The following ARHGEF7 variants were observed in gnomAD, a reference collection of about 807,000 sequenced individuals.
ARHGEF7 encodes the protein PAK-interacting exchange factor beta.
In ARHGEF7, 33 loss-of-function variants were observed where a neutral mutation model predicts 109.8. The ratio of observed to expected loss-of-function variants is 0.30; its 90% CI spans 0.23 to 0.40. The LOEUF (loss-of-function observed/expected upper bound fraction) is 0.40. Among genes scored for constraint, ARHGEF7 ranks in the 10% least tolerant of loss-of-function variants. The probability of loss-of-function intolerance (pLI) is 1.00; values close to 1 mark genes in which losing one functional copy is unlikely to be tolerated. For synonymous variants in ARHGEF7, 458 were observed against 424.6 expected (o/e 1.08, Z -0.97); for missense variants, 938 against 1,098.5 (o/e 0.85, Z 2.07).
intron 2 of ARHGEF7, chr13:111,186,932 A>G: frequency 2.0e-6 from 2 of 985,628 alleles, no homozygotes; most frequent in Non-Finnish European, 2.4e-6. Context: ...GGGGTCTACT[A>G]CGTAGAGGTG....
Position 111,282,414 on chromosome 13 carries a change from T to C in ARHGEF7, c.1726-725T>C, listed in dbSNP as rs1455835417. Among the ~76,000 whole-genome samples, 5 of 152,274 alleles carry C rather than the reference T, an allele frequency of 3.3e-5. No homozygotes were observed. In the East Asian group the frequency reaches 9.6e-4, roughly 29 times the overall value. On this transcript the variant is annotated intron_variant, in intron 15 of 21. Coordinates refer to ENST00000646102, the MANE Select transcript of ARHGEF7 (RefSeq NM_001354046.2). ...TGGAATATTTTGGGTTTTCCAGGAA[T>C]ATAAAATGCATTAATGGCACACCGC...
At chr13:111,299,354 T>C (rs988776934) in intron 19 of ARHGEF7, among the ~76,000 whole-genome samples, 20 of 148,222 alleles carry the variant, frequency 1.3e-4, no homozygotes, top group Non-Finnish European at 2.7e-4. Context: ...TTTTTTTTTT[T>C]TTTTTTGAGA....
chr13:111,280,408 C>G, intron 14 of ARHGEF7, 58 bp downstream of exon 14: 1 of 1,587,658 alleles, frequency 6.3e-7, no homozygotes, highest in Non-Finnish European at 8.6e-7. Context: ...AGCTTGTCCC[C>G]GCGTGCAGAT....
intron 5 of ARHGEF7, among the ~76,000 whole-genome samples, chr13:111,226,386 A>T (rs1248298455): frequency 6.6e-6 from 1 of 152,082 alleles, no homozygotes; most frequent in Non-Finnish European, 1.5e-5. Flanking sequence ...CAACAGGCTG[A>T]CTCTCTGGTC....
intron 2 of ARHGEF7, among the ~76,000 whole-genome samples, chr13:111,198,496 C>T (rs542106793): frequency 7.9e-5 from 12 of 151,900 alleles, no homozygotes; most frequent in East Asian, 3.9e-4. Context: ...TTCTTCCTTC[C>T]GGTGGGTTTG....
rs2092320557 is a variant in ARHGEF7 at position 111,273,731 on chromosome 13, T to G, written c.1074-83T>G. On this transcript the variant is annotated intron_variant, in intron 9 of 21. Coordinates refer to ENST00000646102, the MANE Select transcript of ARHGEF7 (RefSeq NM_001354046.2). The surrounding 1 kb of genome is among the most constrained non-coding windows in gnomAD (Gnocchi z 4.5). Reference sequence around the variant, plus strand: ...AGCAACACTTATGTTTCATAAATTCTGGCTGTTGCTCATGGAGATGAGAGA... The same window carrying G: ...AGCAACACTTATGTTTCATAAATTCGGGCTGTTGCTCATGGAGATGAGAGA... 6.4e-7 allele frequency: 1 copy of G among 1,560,292 alleles called. No homozygotes were observed. The highest frequency in any genetic ancestry group is 1.4e-5 in the African/African-American group (1 of 73,704).
intron 1 of ARHGEF7, among the ~76,000 whole-genome samples, chr13:111,135,022 AG>A (rs1390008332): frequency 6.6e-6 from 1 of 152,248 alleles, no homozygotes; most frequent in Non-Finnish European, 1.5e-5. Flanking sequence ...ACATATGGCT[AG>A]CCAGTTTTCC....
At chr13:111,275,476 G>A in intron 11 of ARHGEF7, 56 bp from the exon 12 acceptor site, 3 of 1,592,094 alleles carry the variant, frequency 1.9e-6, no homozygotes, top group East Asian at 2.2e-5. Context: ...AATGTGGCCG[G>A]AACTTAACAT....
chr13:111,126,265 C>T (rs746539282), intron 1 of ARHGEF7, among the ~76,000 whole-genome samples: 6 of 152,160 alleles, frequency 3.9e-5, no homozygotes, highest in African/African-American at 1.4e-4. Flanking sequence ...CCGAGGTAGG[C>T]GGATCACCTG....
chr13:111,167,968 CCTT>C (rs2077263852), intron 2 of ARHGEF7, among the ~76,000 whole-genome samples: 1 of 152,210 alleles, frequency 6.6e-6, no homozygotes, highest in Non-Finnish European at 1.5e-5. Flanking sequence ...TAAAACTGAA[CCTT>C]CTTGCTGTGA....
chr13:111,199,751 G>GC (rs1341322761), intron 2 of ARHGEF7, among the ~76,000 whole-genome samples: 2 of 152,198 alleles, frequency 1.3e-5, no homozygotes, highest in African/African-American at 4.8e-5. Context: ...AGCCTTTGAT[G>GC]ACTGGTTCCA....
chr13:111,177,048 C>A (rs1016860213), intron 2 of ARHGEF7, among the ~76,000 whole-genome samples: 11 of 152,240 alleles, frequency 7.2e-5, no homozygotes, highest in Non-Finnish European at 1.3e-4. Context: ...TGAGCCACCG[C>A]GCCCGGCTGA....
chr13:111,205,758 T>C (rs2081753230), intron 3 of ARHGEF7, among the ~76,000 whole-genome samples: 1 of 152,096 alleles, frequency 6.6e-6, no homozygotes, highest in Admixed American at 6.6e-5. Flanking sequence ...TTTTGAGCTG[T>C]GACCATGATA....
intron 5 of ARHGEF7, among the ~76,000 whole-genome samples, chr13:111,218,481 G>C (rs1363194670): frequency 6.6e-6 from 1 of 152,136 alleles, no homozygotes; most frequent in East Asian, 1.9e-4. Flanking sequence ...GTGGACAGAG[G>C]TGGGGGGTGG....
intron 2 of ARHGEF7, chr13:111,203,253 T>TA: frequency 2.3e-6 from 1 of 435,446 alleles, no homozygotes; most frequent in Non-Finnish European, 3.5e-6. Context: ...TTAAAAATGT[T>TA]ATGATGAAGA....
At chr13:111,153,640 G>T (rs749378569) in intron 1 of ARHGEF7, 13 of 1,209,520 alleles carry the variant, frequency 1.1e-5, no homozygotes, top group African/African-American at 1.6e-5. Context: ...CGCGGTCTGA[G>T]GACGTCACTT....
intron 2 of ARHGEF7, among the ~76,000 whole-genome samples, chr13:111,159,837 T>G (rs1348947527): frequency 6.6e-6 from 1 of 152,246 alleles, no homozygotes; most frequent in Non-Finnish European, 1.5e-5. Context: ...TGTTTTGCTG[T>G]GCATAATCTT....
chr13:111,264,703 C>T lies in ARHGEF7; in HGVS notation c.951-2845C>T, dbSNP rs557368362. Among the ~76,000 whole-genome samples, 25 of 152,250 alleles carry T rather than the reference C, an allele frequency of 1.6e-4. No homozygotes were observed. The South Asian group carries it at 1.7e-3, about 10-fold the overall frequency. On this transcript the variant is annotated intron_variant, in intron 8 of 21. Transcript: ENST00000646102. ...TGGACAGTTAAATATTGAAGGAGGGCGTTGGCCTTTTTTTACACAGCACAG... is the reference window on the plus strand; with the variant it reads ...TGGACAGTTAAATATTGAAGGAGGGTGTTGGCCTTTTTTTACACAGCACAG...
chr13:111,149,548 G>A (rs1310488147), intron 1 of ARHGEF7, among the ~76,000 whole-genome samples: 1 of 152,198 alleles, frequency 6.6e-6, no homozygotes, highest in African/African-American at 2.4e-5. Context: ...GATCCACGAA[G>A]ACTCTGGCCA....
Sources: gnomAD v4.1 joint callset for allele counts (sites outside exome capture counted in the v4.1 genomes callset) on GRCh38, gnomAD v4.1.1 for gene constraint, Gnocchi (gnomAD v3.1) non-coding constraint, MANE v1.5 for transcripts, NCBI Gene and HGNC (gene_info 2026-07-23, HGNC 2026-07-21) for gene names.